TNRC18: variants seen among roughly 807,000 people sequenced by gnomAD.
TNRC18 encodes trinucleotide repeat-containing gene 18 protein.
A neutral mutation model predicts 226.7 loss-of-function variants in TNRC18; 69 were observed. That is an observed-to-expected ratio of 0.30 (90% CI 0.25 to 0.37). The LOEUF (loss-of-function observed/expected upper bound fraction) is 0.37. TNRC18 is among the 10% of genes least tolerant of loss of function. The pLI is 1.00. For synonymous variants in TNRC18, 2,449 were observed against 1,927.6 expected, an observed-to-expected ratio of 1.27 and a Z score of -7.09; for missense variants, 4,754 against 4,256.6, an observed-to-expected ratio of 1.12 and a Z score of -3.25.
Position 5,377,427 on chromosome 7 carries a change from T to C in TNRC18, c.2405A>G (p.His802Arg). The C allele has an allele frequency of 6.4e-7, 1 of 1,570,512 alleles. No individual in the cohort carries two copies. Among genetic ancestry groups the C allele is most frequent in the Non-Finnish European group, 8.6e-7 (1 of 1,157,616 alleles). Residue 802 changes from histidine to arginine, a missense_variant, in exon 7 of 30, where the codon CAC becomes CGC. His to Arg is a conservative substitution (Grantham distance 29). Transcript: ENST00000430969. The surrounding 1 kb of genome is among the most constrained non-coding windows in gnomAD (Gnocchi z 5.8). ...SADPAAHLAT[H>R]PWLPRSGNAS... ...GTTGCCCGAGCGGGGCAACCAGGGG[T>C]GCGTGGCCAGATGGGCTGCGGGGTC...
chr7:5,321,302 TG>T, intron 21 of TNRC18, 112 bp from the exon 22 acceptor site: 1 of 735,432 alleles, frequency 1.4e-6, no homozygotes, highest in South Asian at 1.7e-5. Flanking sequence ...TGGTACCGGG[TG>T]GGCCTGTGGG....
intron 3 of TNRC18, among the ~76,000 whole-genome samples, chr7:5,393,029 A>G (rs1272882483): frequency 6.6e-6 from 1 of 152,212 alleles, no homozygotes; most frequent in African/African-American, 2.4e-5. Flanking sequence ...AGGGCCTAAC[A>G]GTCCCTCCCC....
chr7:5,411,462 G>C (rs369032063), intron 2 of TNRC18, among the ~76,000 whole-genome samples: 1 of 141,648 alleles, frequency 7.1e-6, no homozygotes, highest in Non-Finnish European at 1.5e-5. Flanking sequence ...AGGTTGCAGT[G>C]AGCCAAGATG....
intron 27 of TNRC18, among the ~76,000 whole-genome samples, chr7:5,310,816 C>T (rs978782726): frequency 6.6e-5 from 10 of 152,258 alleles, no homozygotes; most frequent in African/African-American, 2.2e-4. Context: ...GTTGGGGGCT[C>T]CCTGCCAGCC....
At chr7:5,334,847 A>G (rs1321965035) in intron 18 of TNRC18, among the ~76,000 whole-genome samples, 1 of 152,188 alleles carries the variant, frequency 6.6e-6, no homozygotes, top group Non-Finnish European at 1.5e-5. Flanking sequence ...GTGAAGTCAC[A>G]GGAGGCAGAT....
chr7:5,410,063 C>T (rs949146325), intron 2 of TNRC18, among the ~76,000 whole-genome samples: 1 of 151,386 alleles, frequency 6.6e-6, no homozygotes, highest in Non-Finnish European at 1.5e-5. Flanking sequence ...GTAATCCCAG[C>T]ATTTTGGAAG....
rs1211689850 is a variant in TNRC18, at chr7:5,388,402, G to A, written c.1422C>T (p.Pro474=). The change falls in exon 5 of 30, where the codon CCC becomes CCT. Residue 474 remains proline, a synonymous_variant. Transcript: ENST00000430969. ...ELLKPEADPR[P]CERAPRGPAG... is the part of the protein sequence containing the mutation. The stretch of plus-strand genomic sequence containing the variant: ...CTGGGCCGCGGGGCGCACGCTCGCA[G>A]GGCCTCGGGTCCGCCTCGGGCTTGA... 8 of 1,503,646 alleles carry A rather than the reference G, an allele frequency of 5.3e-6. No homozygotes were observed. The highest frequency in any genetic ancestry group is 1.3e-5 in the South Asian group (1 of 79,414). 93.1% of individuals were successfully genotyped at this position (1,503,646 alleles called of 1,614,324 possible). A position where few individuals can be genotyped will look rare whatever the true frequency, so the allele number is the denominator to read the frequency against.
intron 19 of TNRC18, among the ~76,000 whole-genome samples, chr7:5,329,271 C>A (rs1377685201): frequency 6.6e-6 from 1 of 151,258 alleles, no homozygotes; most frequent in Non-Finnish European, 1.5e-5. Context: ...CCACTGTACT[C>A]CAGTCTGGGC....
At chr7:5,314,808 G>A (rs564818493) in intron 26 of TNRC18, among the ~76,000 whole-genome samples, 176 bp downstream of exon 26, 29 of 152,198 alleles carry the variant, frequency 1.9e-4, no homozygotes, top group African/African-American at 7.0e-4. Context: ...CCTGACATCA[G>A]CCGATCTGCT....
chr7:5,365,972 G>A (rs1793574240), intron 11 of TNRC18, among the ~76,000 whole-genome samples: 1 of 152,178 alleles, frequency 6.6e-6, no homozygotes, highest in Non-Finnish European at 1.5e-5. Flanking sequence ...TCAGGAGGCT[G>A]AGGCAGGAGA....
chr7:5,377,996 C>G lies in TNRC18; in HGVS notation c.2181G>C (p.Val727=). 1.9e-6 allele frequency: 3 copies of G among 1,612,792 alleles called. No individual in the cohort carries two copies. The highest frequency in any genetic ancestry group is 8.5e-7 in the Non-Finnish European group (1 of 1,179,786). ...KGHGRADEDC[V]DDRARHREER... is the part of the protein sequence containing the mutation. ...CCTCCCGGTGTCTGGCCCGGTCGTC[C>G]ACACAGTCCTCATCTGCTCGGCCGT... The change falls in exon 6 of 30, where the codon GTG becomes GTC. Residue 727 remains valine (V), a synonymous_variant. Transcript: ENST00000430969. This position sits in a 1 kb window ranked among gnomAD's most constrained non-coding sequence, Gnocchi z 5.8.
rs1157287954 is a variant in TNRC18, at chr7:5,357,081, T to C, written c.5029A>G (p.Arg1677Gly). Residue 1677 changes from arginine (R) to glycine (G), a missense_variant, in exon 16 of 30, where the codon AGG becomes GGG. Coordinates refer to ENST00000430969, the MANE Select transcript of TNRC18 (RefSeq NM_001080495.3). ...CCGAGGCCCTTGGCCAGCGCCTTCC[T>C]GTTCTTCCCCAGCAGGCTGTCGTAA... is the stretch of plus-strand genomic sequence containing the variant. ...TPYDSLLGKN[R>G]KALAKGLGLS... 1.9e-6 allele frequency: 3 copies of C among 1,552,172 alleles called. No individual in the cohort carries two copies. The highest frequency in any genetic ancestry group is 2.6e-6 in the Non-Finnish European group (3 of 1,147,122).
intron 2 of TNRC18, among the ~76,000 whole-genome samples, chr7:5,395,978 CAG>C (rs1304903912): frequency 4.5e-5 from 6 of 132,422 alleles, no homozygotes; most frequent in African/African-American, 1.5e-4. Flanking sequence ...GCCTGGGCGA[CAG>C]AGAGAGACTC....
chr7:5,333,166 T>A (rs1254027425), intron 18 of TNRC18, 117 bp from the exon 19 acceptor site: 4 of 1,196,866 alleles, frequency 3.3e-6, no homozygotes, highest in Non-Finnish European at 1.2e-6. Flanking sequence ...GCAGCGCTTC[T>A]GCCCGTTTCC....
intron 2 of TNRC18, among the ~76,000 whole-genome samples, chr7:5,396,253 C>T (rs575664110): frequency 1.1e-3 from 161 of 151,322 alleles, no homozygotes; most frequent in African/African-American, 3.8e-3. Flanking sequence ...GAGGCTGAGG[C>T]AGGAGAATCA....
chr7:5,406,451 G>C (rs1222489951), intron 2 of TNRC18, among the ~76,000 whole-genome samples: 4 of 152,004 alleles, frequency 2.6e-5, no homozygotes, highest in African/African-American at 9.7e-5. Flanking sequence ...AATAGAGCGA[G>C]ACTCTGTCTC....
At chr7:5,367,731 C>T (rs1793751990) in intron 11 of TNRC18, among the ~76,000 whole-genome samples, 1 of 146,748 alleles carries the variant, frequency 6.8e-6, no homozygotes, top group Non-Finnish European at 1.5e-5. Context: ...CCTGGCCAAC[C>T]AAGGGAATTT....
chr7:5,360,988 CT>C (rs1304032736), intron 14 of TNRC18, among the ~76,000 whole-genome samples: 1 of 152,190 alleles, frequency 6.6e-6, no homozygotes, highest in Non-Finnish European at 1.5e-5. Flanking sequence ...TGACGGGCCC[CT>C]TTCCGATCGT....
intron 9 of TNRC18, 129 bp downstream of exon 9, chr7:5,375,905 C>T: frequency 1.1e-6 from 1 of 947,288 alleles, no homozygotes; most frequent in South Asian, 1.7e-5. Context: ...AGAAGCCCTC[C>T]CTGACCACCT....
Sources: allele counts gnomAD v4.1 joint callset (sites outside exome capture counted in the v4.1 genomes callset), GRCh38; gene constraint gnomAD v4.1.1; non-coding constraint Gnocchi (gnomAD v3.1); transcripts MANE v1.5; gene names NCBI Gene and HGNC (gene_info 2026-07-23, HGNC 2026-07-21).